The following ZNF585B variants were observed in gnomAD, a reference collection of about 807,000 sequenced individuals.
ZNF585B encodes zinc finger protein 585B, also known as zinc finger protein 41-like protein.
Under a neutral mutation model 14.0 loss-of-function variants are expected in ZNF585B, and 7 were observed. That is an observed-to-expected ratio of 0.50 (90% CI 0.28 to 0.94). The LOEUF is 0.94. Ranked by LOEUF, ZNF585B falls within the 40% of genes least tolerant of loss-of-function variation. The pLI, the probability that ZNF585B is intolerant of heterozygous loss-of-function variation, is 0.09. For synonymous variants in ZNF585B, 290 were observed against 317.3 expected, an observed-to-expected ratio of 0.91 and a Z score of 0.91; for missense variants, 750 against 924.4, an observed-to-expected ratio of 0.81 and a Z score of 2.45.
intron 2 of ZNF585B, among the ~76,000 whole-genome samples, chr19:37,198,320 T>C (rs1314697623): frequency 3.3e-5 from 5 of 151,798 alleles, no homozygotes; most frequent in African/African-American, 4.8e-5. Context: ...TACAGGCATG[T>C]GCCACCATGC....
At chr19:37,193,048 T>G (rs1347261284) in intron 2 of ZNF585B, among the ~76,000 whole-genome samples, 1 of 151,494 alleles carries the variant, frequency 6.6e-6, no homozygotes, top group African/African-American at 2.4e-5. Context: ...GGCAAGCGAA[T>G]CGCTTGAAGC....
chr19:37,189,890 T>A, intron 3 of ZNF585B, 134 bp downstream of exon 3: 2 of 1,557,978 alleles, frequency 1.3e-6, no homozygotes, highest in Non-Finnish European at 1.7e-6. Flanking sequence ...CTGAGTACCC[T>A]AAACAAACAG....
At chr19:37,198,224 T>G (rs1010353648) in intron 2 of ZNF585B, among the ~76,000 whole-genome samples, 1 of 151,990 alleles carries the variant, frequency 6.6e-6, no homozygotes, top group East Asian at 1.9e-4. Context: ...TGGGTTGGAG[T>G]GTAATGGCGT....
intron 2 of ZNF585B, among the ~76,000 whole-genome samples, chr19:37,190,854 G>A (rs1009314034): frequency 3.9e-5 from 6 of 152,144 alleles, no homozygotes; most frequent in East Asian, 1.9e-4. Context: ...GTGAGCCACC[G>A]CGCCTGGCCA....
chr19:37,191,561 T>C (rs989361886), intron 2 of ZNF585B, among the ~76,000 whole-genome samples: 5 of 150,604 alleles, frequency 3.3e-5, no homozygotes, highest in South Asian at 2.1e-4. Flanking sequence ...GAGTTTGCAG[T>C]GAGCTGAGAT....
At chr19:37,204,923 T>G (rs1364159809) in intron 2 of ZNF585B, among the ~76,000 whole-genome samples, 3 of 152,078 alleles carry the variant, frequency 2.0e-5, no homozygotes, top group Admixed American at 1.3e-4. Flanking sequence ...ATATTTTTTA[T>G]TTTTAGTAGA....
chr19:37,206,928 G>C (rs1972592819), intron 2 of ZNF585B, 112 bp downstream of exon 2: 3 of 1,331,766 alleles, frequency 2.3e-6, no homozygotes, highest in Non-Finnish European at 2.1e-6. Context: ...ACCAAGTCTA[G>C]AGTCCAGCTG....
intron 2 of ZNF585B, 76 bp downstream of exon 2, chr19:37,206,964 C>T: frequency 6.3e-7 from 1 of 1,586,640 alleles, no homozygotes; most frequent in African/African-American, 1.3e-5. Flanking sequence ...CTGCCTCTGC[C>T]CTAAGGCTGT....
rs552828211 is a variant in ZNF585B at position 37,197,752 on chromosome 19, A to G, written c.73-7602T>C. Among the ~76,000 whole-genome samples, 7 of 152,028 alleles carry G rather than the reference A, an allele frequency of 4.6e-5. No individual in the cohort carries two copies. The South Asian group carries it at 1.2e-3, about 27-fold the overall frequency. Reference sequence around the variant, plus strand: ...ACCAGTGATGATGAGCATTTTTTTCATGTGTCTGTTGGCTGCACAGATGTC... The same window carrying G: ...ACCAGTGATGATGAGCATTTTTTTCGTGTGTCTGTTGGCTGCACAGATGTC... On this transcript the variant is annotated intron_variant, in intron 2 of 4. Transcript: ENST00000532828.
chr19:37,206,932 C>T, intron 2 of ZNF585B, 108 bp downstream of exon 2: 1 of 1,383,878 alleles, frequency 7.2e-7, no homozygotes, highest in Non-Finnish European at 1.0e-6. Context: ...AGTCTAGAGT[C>T]CAGCTGGTTC....
intron 2 of ZNF585B, among the ~76,000 whole-genome samples, chr19:37,191,234 A>G (rs1219578826): frequency 6.6e-6 from 1 of 152,220 alleles, no homozygotes; most frequent in Non-Finnish European, 1.5e-5. Flanking sequence ...GTGATAAGAA[A>G]TTTCTAAGAA....
intron 2 of ZNF585B, among the ~76,000 whole-genome samples, chr19:37,197,226 C>T (rs550317568): frequency 6.6e-6 from 1 of 151,080 alleles, no homozygotes; most frequent in African/African-American, 2.4e-5. Context: ...TGAGAACATA[C>T]AGTGTTTGGT....
intron 2 of ZNF585B, among the ~76,000 whole-genome samples, chr19:37,200,786 A>G (rs1972523079): frequency 6.6e-6 from 1 of 151,812 alleles, no homozygotes; most frequent in South Asian, 2.1e-4. Flanking sequence ...AGCCGCCACT[A>G]AAAGAACAAA....
At chr19:37,208,818 G>A (rs1313747025) in intron 1 of ZNF585B, among the ~76,000 whole-genome samples, 1 of 151,920 alleles carries the variant, frequency 6.6e-6, no homozygotes, top group Admixed American at 6.6e-5. Context: ...ATGGCGAAAC[G>A]CTGTCTCTAC....
chr19:37,182,748 A>T lies in ZNF585B; in HGVS notation c.*2479T>A, dbSNP rs963134112. On this transcript the variant is annotated 3_prime_UTR_variant, in exon 5 of 5. Coordinates refer to ENST00000532828, the MANE Select transcript of ZNF585B (RefSeq NM_152279.4). The stretch of plus-strand genomic sequence containing the variant: ...TTGGGCCCCATCTTCACCTCCCCAT[A>T]CTGCCCTTCTTAAAGGTGAAACCAT... The T allele has an allele frequency of 4.0e-4, 61 of 152,314 alleles. No individual in the cohort carries two copies. Among genetic ancestry groups the T allele is most frequent in the African/African-American group, 1.4e-3 (59 of 41,530 alleles). The allele number at this position is 152,314 out of a possible 1,614,324, so 9.4% of individuals were successfully genotyped here.
rs532142903 is a variant in ZNF585B, at chr19:37,205,197, A to G, written c.72+1843T>C. ...ATTACAGGTGTGAACGACCGTGCCC[A>G]GCCAACTGCTGCTGCTTTACCAACT... On this transcript the variant is annotated intron_variant, in intron 2 of 4. Transcript: ENST00000532828. 7.2e-4 allele frequency among the ~76,000 whole-genome samples: 109 copies of G among 152,222 alleles called. 1 individual carries two copies. In the Middle Eastern group the frequency reaches 0.014, roughly 19 times the overall value.
At chr19:37,200,859 G>A (rs370710043) in intron 2 of ZNF585B, among the ~76,000 whole-genome samples, 5 of 152,090 alleles carry the variant, frequency 3.3e-5, no homozygotes, top group African/African-American at 1.2e-4. Context: ...GGGAAGCTGA[G>A]GCAGGCGGAT....
In ZNF585B at chr19:37,186,181, T is replaced by C. The variant is rs1426440754; in HGVS notation, c.1356A>G (p.Gln452=). ...TGTGAATTCGTTTATGAACATGGAG[T>C]TGTGACTTGGAAGTAAACAATTTCC... ...HCGKLFTSKS[Q]LHVHKRIHTG... The change falls in exon 5 of 5, where the codon CAA becomes CAG. Residue 452 remains glutamine (Q), a synonymous_variant. Transcript: ENST00000532828. The C allele has an allele frequency of 1.2e-6, 2 of 1,614,048 alleles. No individual in the cohort carries two copies. Among genetic ancestry groups the C allele is most frequent in the Non-Finnish European group, 1.7e-6 (2 of 1,180,002 alleles).
chr19:37,198,473 TTCCAG>T (rs1354581866), intron 2 of ZNF585B, among the ~76,000 whole-genome samples: 1 of 152,082 alleles, frequency 6.6e-6, no homozygotes, highest in African/African-American at 2.4e-5. Context: ...GGCCAGGCCA[TTCCAG>T]TGTTTTACAA....
Sources: allele counts gnomAD v4.1 joint callset (sites outside exome capture counted in the v4.1 genomes callset), GRCh38; gene constraint gnomAD v4.1.1; transcripts MANE v1.5; gene names NCBI Gene and HGNC (gene_info 2026-07-23, HGNC 2026-07-21).